Variants in GALNT15 observed in about 807,000 individuals in gnomAD.
GALNT15 encodes the protein UDP-GalNAc transferase T15.
A neutral mutation model predicts 66.8 loss-of-function variants in GALNT15; 67 were observed. The observed-to-expected ratio is 1.00, with a 90% confidence interval of 0.82 to 1.23. The LOEUF is 1.23. GALNT15 is among the 50% of genes most tolerant of loss of function. GALNT15 has a pLI of 0.00. For synonymous variants in GALNT15, 313 were observed against 311.5 expected (o/e 1.00, Z -0.05); for missense variants, 827 against 804.3 (o/e 1.03, Z -0.34).
At chr3:16,244,055 G>A in the GALNT15 span, 6 of 968,418 alleles carry the variant, frequency 6.2e-6, no homozygotes, top group Admixed American at 3.7e-4. Context: ...GGCACCCATG[G>A]TAACACAGCT....
At chr3:16,237,685 T>G in the GALNT15 span, among the ~76,000 whole-genome samples, 2 of 152,322 alleles carry the variant, frequency 1.3e-5, no homozygotes, top group East Asian at 3.9e-4. The surrounding 1 kb of genome is among the most constrained non-coding windows in gnomAD (Gnocchi z 4.2). Flanking sequence ...GTGGGTCATA[T>G]GTAAAGGAAT....
Position 16,222,854 on chromosome 3 carries a change from T to A in GALNT15, c.1773+96T>A, listed in dbSNP as rs2063960849. 7 of 1,387,400 alleles carry A rather than the reference T, an allele frequency of 5.0e-6. No homozygotes were observed. In the East Asian group the frequency reaches 1.4e-4, roughly 28 times the overall value. 85.9% of individuals were successfully genotyped at this position (1,387,400 alleles called of 1,614,324 possible). A position where few individuals can be genotyped will look rare whatever the true frequency, so the allele number is the denominator to read the frequency against. On this transcript the variant is annotated intron_variant, in intron 9 of 9. Coordinates refer to ENST00000339732, the MANE Select transcript of GALNT15 (RefSeq NM_054110.5). ...CTGGGCTCTTCCAAGAGGTCAGGTA[T>A]TAGGGACCTCTGCCTCTGCTTTTGA...
intron 8 of GALNT15, chr3:16,220,344 C>A: frequency 6.0e-6 from 2 of 335,056 alleles, no homozygotes; most frequent in Non-Finnish European, 1.1e-5. Flanking sequence ...TCAGAAGCCT[C>A]CAGGATTCAG....
chr3:16,208,692 G>C (rs1231958625), intron 4 of GALNT15, 22 bp downstream of exon 4: 1 of 1,609,620 alleles, frequency 6.2e-7, no homozygotes, highest in Admixed American at 1.7e-5. Flanking sequence ...TTTCACACCT[G>C]CTTTGCCATT....
rs1279527429 is a variant in GALNT15, at chr3:16,193,242, T to G, written c.540-2518T>G. The stretch of plus-strand genomic sequence containing the variant: ...AACATTTTACTTTGGCTACCAGGGA[T>G]CTCAGAGTCAAATTTAAATTCATTC... On this transcript the variant is annotated intron_variant, in intron 1 of 9. Coordinates refer to ENST00000339732, the MANE Select transcript of GALNT15 (RefSeq NM_054110.5). The surrounding 1 kb of genome is among the most constrained non-coding windows in gnomAD (Gnocchi z 4.7). 6.6e-6 allele frequency among the ~76,000 whole-genome samples: 1 copy of G among 152,218 alleles called. No homozygotes were observed. Among genetic ancestry groups the G allele is most frequent in the Non-Finnish European group, 1.5e-5 (1 of 68,044 alleles).
rs1322152739 is a variant in GALNT15, at chr3:16,203,302, C to T, written c.911+2479C>T. On this transcript the variant is annotated intron_variant, in intron 3 of 9. Transcript: ENST00000339732. The surrounding 1 kb of genome is among the most constrained non-coding windows in gnomAD (Gnocchi z 6.2). ...AGTCCCTCGTATCTGCTTCTCACAT[C>T]GGGGCCCCATTTCCCAGAGCTAGGT... Among the ~76,000 whole-genome samples, 1 of 151,974 alleles carries T rather than the reference C, an allele frequency of 6.6e-6. No individual in the cohort carries two copies. Among genetic ancestry groups the T allele is most frequent in the African/African-American group, 2.4e-5 (1 of 41,362 alleles).
chr3:16,198,951 G>A (rs538163640), intron 2 of GALNT15, among the ~76,000 whole-genome samples: 1 of 142,508 alleles, frequency 7.0e-6, no homozygotes, highest in South Asian at 2.2e-4. Flanking sequence ...AACTGGGGGG[G>A]AAATTCTTGC....
chr3:16,185,827 C>A (rs150334768), intron 1 of GALNT15, among the ~76,000 whole-genome samples: 1 of 151,972 alleles, frequency 6.6e-6, no homozygotes, highest in Admixed American at 6.6e-5. Flanking sequence ...AGCTATTTGC[C>A]GTGTAACTTT....
chr3:16,200,489 A>G lies in GALNT15; in HGVS notation c.707-130A>G. 1.7e-6 allele frequency: 1 copy of G among 599,454 alleles called. No homozygotes were observed. Among genetic ancestry groups the G allele is most frequent in the Non-Finnish European group, 2.7e-6 (1 of 368,196 alleles). 37.1% of individuals were successfully genotyped at this position (599,454 alleles called of 1,614,324 possible). A position where few individuals can be genotyped will look rare whatever the true frequency, so the allele number is the denominator to read the frequency against. ...TCTCAGCAACAACCACACTGTAGTA[A>G]TGTTTTCGGTTCTTAGGACCCAGGT... On this transcript the variant is annotated intron_variant, in intron 2 of 9. Transcript: ENST00000339732. This position sits in a 1 kb window ranked among gnomAD's most constrained non-coding sequence, Gnocchi z 4.4.
chr3:16,197,798 A>G (rs575514684), intron 2 of GALNT15, among the ~76,000 whole-genome samples: 1 of 152,214 alleles, frequency 6.6e-6, no homozygotes, highest in South Asian at 2.1e-4. Context: ...TCTGGAGGGA[A>G]GGAGTTGAGG....
chr3:16,221,210 C>A (rs886701850), intron 8 of GALNT15, among the ~76,000 whole-genome samples: 1 of 147,318 alleles, frequency 6.8e-6, no homozygotes. Context: ...AACAAAAGAA[C>A]AATACAGCCT....
Position 16,208,674 on chromosome 3 carries a change from A to C in GALNT15, c.1079+4A>C. 6.2e-7 allele frequency: 1 copy of C among 1,612,912 alleles called. No homozygotes were observed. The highest frequency in any genetic ancestry group is 8.5e-7 in the Non-Finnish European group (1 of 1,179,328). On this transcript the variant is annotated splice_donor_region_variant and intron_variant, in intron 4 of 9. Coordinates refer to ENST00000339732, the MANE Select transcript of GALNT15 (RefSeq NM_054110.5). ...AGTCCCCCATAAGCCCCATCAGGTG[A>C]GTCCCCATTTCACACCTGCTTTGCC...
At chr3:16,190,156 A>T (rs754696366) in intron 1 of GALNT15, among the ~76,000 whole-genome samples, 5 of 152,166 alleles carry the variant, frequency 3.3e-5, no homozygotes, top group African/African-American at 1.2e-4. Flanking sequence ...ATGAGAGAGG[A>T]TTCATCCCAT....
At position 16,212,716 on chromosome 3, in the gene GALNT15, A is replaced by T; in HGVS notation, c.1345A>T (p.Lys449Ter). ...RIAETWLGSF[K>*]ETFYKHSPEA... ...TGCTGAGACCTGGCTGGGGTCATTC[A>T]AAGAAACCTTCTACAAGCATAGCCC... The change falls in exon 6 of 10, where the codon AAA (lysine) becomes TAA (stop). Residue 449 changes from lysine (K) to a stop codon, truncating the protein, a stop_gained. Transcript: ENST00000339732. LOFTEE classifies it high-confidence loss of function. 6.2e-7 allele frequency: 1 copy of T among 1,613,920 alleles called. No homozygotes were observed. Among genetic ancestry groups the T allele is most frequent in the Non-Finnish European group, 8.5e-7 (1 of 1,180,024 alleles).
rs1274141539 is a variant in GALNT15, at chr3:16,220,210, T to C, written c.1629+196T>C. On this transcript the variant is annotated intron_variant, in intron 8 of 9. Coordinates refer to ENST00000339732, the MANE Select transcript of GALNT15 (RefSeq NM_054110.5). ...TCACCTCCATCTGTAAGCACAGACATGTGCCATTGTCAGAAAATAAAAGCA... is the reference window on the plus strand; with the variant it reads ...TCACCTCCATCTGTAAGCACAGACACGTGCCATTGTCAGAAAATAAAAGCA... 1.0e-5 allele frequency: 6 copies of C among 577,528 alleles called. No homozygotes were observed. The Admixed American group carries it at 1.5e-4, about 14-fold the overall frequency. The allele number at this position is 577,528 out of a possible 1,614,324, so 35.8% of individuals were successfully genotyped here.
chr3:16,209,607 C>T lies in GALNT15; in HGVS notation c.1079+937C>T, dbSNP rs986570498. ...CAGAGGCGGGCTGATCACTCGAGGC[C>T]AGGAGTTCGAGACCAACCTGGCCAT... On this transcript the variant is annotated intron_variant, in intron 4 of 9. Coordinates refer to ENST00000339732, the MANE Select transcript of GALNT15 (RefSeq NM_054110.5). This position sits in a 1 kb window ranked among gnomAD's most constrained non-coding sequence, Gnocchi z 4.1. 1.2e-4 allele frequency among the ~76,000 whole-genome samples: 18 copies of T among 152,254 alleles called. No individual in the cohort carries two copies. The highest frequency in any genetic ancestry group is 2.1e-4 in the South Asian group (1 of 4,826).
At chr3:16,236,513 T>G (rs983970963), downstream of GALNT15, among the ~76,000 whole-genome samples, 1 of 152,260 alleles carries the variant, frequency 6.6e-6, no homozygotes, top group African/African-American at 2.4e-5. Context: ...CCCCCTGGAC[T>G]ACAGTATTTG....
At chr3:16,230,217 G>T (rs1438724699), downstream of GALNT15, among the ~76,000 whole-genome samples, 1 of 152,114 alleles carries the variant, frequency 6.6e-6, no homozygotes, top group Admixed American at 6.6e-5. The surrounding 1 kb of genome is among the most constrained non-coding windows in gnomAD (Gnocchi z 4.5). Flanking sequence ...AGAGAGAAGT[G>T]TCCGGCCAGC....
chr3:16,230,203 G>A (rs949146959), downstream of GALNT15, among the ~76,000 whole-genome samples: 4 of 152,150 alleles, frequency 2.6e-5, no homozygotes, highest in Admixed American at 6.6e-5. The surrounding 1 kb of genome is among the most constrained non-coding windows in gnomAD (Gnocchi z 4.5). Context: ...CCACTGGGGA[G>A]AACAGAGAGA....
Sources: allele counts gnomAD v4.1 joint callset (sites outside exome capture counted in the v4.1 genomes callset), GRCh38; gene constraint gnomAD v4.1.1; non-coding constraint Gnocchi (gnomAD v3.1); transcripts MANE v1.5; gene names NCBI Gene and HGNC (gene_info 2026-07-23, HGNC 2026-07-21).